DCAF5: variants seen among roughly 807,000 people sequenced by gnomAD.
DCAF5 encodes the protein DDB1- and CUL4-associated factor 5.
DCAF5 carries 9 observed loss-of-function variants against 80.7 expected under a neutral mutation model. The ratio of observed to expected loss-of-function variants is 0.11; its 90% CI spans 0.07 to 0.19. The LOEUF (loss-of-function observed/expected upper bound fraction) is 0.19, where lower values mean the gene tolerates loss of function less well. DCAF5 is among the 10% of genes least tolerant of loss of function. The pLI is 1.00. For missense variants in DCAF5, 842 were observed against 1,205.7 expected, an observed-to-expected ratio of 0.70 and a Z score of 4.47; for synonymous variants, 433 against 461.9, an observed-to-expected ratio of 0.94 and a Z score of 0.80.
At chr14:69,129,245 G>A (rs1424464713) in intron 1 of DCAF5, among the ~76,000 whole-genome samples, 2 of 152,028 alleles carry the variant, frequency 1.3e-5, no homozygotes, top group African/African-American at 2.4e-5. Flanking sequence ...GCTGTGATGG[G>A]GCCTGCCTCT....
At chr14:69,117,024 CTG>C (rs1157807356) in intron 4 of DCAF5, among the ~76,000 whole-genome samples, 3 of 152,188 alleles carry the variant, frequency 2.0e-5, no homozygotes, top group African/African-American at 7.2e-5. Flanking sequence ...TCTAGCCAGT[CTG>C]TAATCAACTT....
chr14:69,123,435 T>A (rs772127004), intron 1 of DCAF5, among the ~76,000 whole-genome samples: 57 of 152,192 alleles, frequency 3.7e-4, no homozygotes, highest in Non-Finnish European at 6.9e-4. Context: ...CATAGCCCTA[T>A]CTAGATGGCT....
rs116630527 is a variant in DCAF5, at chr14:69,077,958, G to C, written c.880-2547C>G. Among the ~76,000 whole-genome samples the C allele has an allele frequency of 2.8e-3, 425 of 152,284 alleles. 2 individuals carry two copies. The highest frequency in any genetic ancestry group is 9.9e-3 in the African/African-American group (410 of 41,560). On this transcript the variant is annotated intron_variant, in intron 6 of 8. Coordinates refer to ENST00000341516, the MANE Select transcript of DCAF5 (RefSeq NM_003861.3). ...GGCTCAGTTTCTTTATCTGCAAAAT[G>C]AGAGAACTGGACTGGTGGCTCTGTA...
intron 5 of DCAF5, among the ~76,000 whole-genome samples, chr14:69,103,417 ACTTGTATTTCTTTTT>A (rs1377012445): frequency 6.6e-6 from 1 of 152,230 alleles, no homozygotes; most frequent in Non-Finnish European, 1.5e-5. Flanking sequence ...ATTACCTGTT[ACTTGTATTTCTTTTT>A]CTTTTGAAAT....
chr14:69,149,456 G>C (rs183978738), intron 1 of DCAF5: 14 of 152,230 alleles, frequency 9.2e-5, no homozygotes, highest in African/African-American at 3.4e-4. Flanking sequence ...ATTTTCTCCG[G>C]TTTACTCAAT....
At chr14:69,064,374 T>TA (rs2038350372) in intron 7 of DCAF5, among the ~76,000 whole-genome samples, 1 of 152,190 alleles carries the variant, frequency 6.6e-6, no homozygotes, top group Admixed American at 6.5e-5. Context: ...CAAAGAAACT[T>TA]TGATTTAAAT....
chr14:69,053,744 C>A lies in DCAF5; in HGVS notation c.*113G>T. The A allele has an allele frequency of 1.9e-6, 2 of 1,052,494 alleles. No homozygotes were observed. The highest frequency in any genetic ancestry group is 2.6e-6 in the Non-Finnish European group (2 of 755,096). The allele number at this position is 1,052,494 out of a possible 1,614,324, so 65.2% of individuals were successfully genotyped here. ...GCAGCATCAGACACAAAATTTCAGGCCCTGGTTTCATGTGCCTTTAATACT... is the reference window on the plus strand; with the variant it reads ...GCAGCATCAGACACAAAATTTCAGGACCTGGTTTCATGTGCCTTTAATACT... On this transcript the variant is annotated 3_prime_UTR_variant, in exon 9 of 9. Coordinates refer to ENST00000341516, the MANE Select transcript of DCAF5 (RefSeq NM_003861.3).
At chr14:69,093,001 T>C (rs944333444) in intron 5 of DCAF5, among the ~76,000 whole-genome samples, 6 of 152,224 alleles carry the variant, frequency 3.9e-5, no homozygotes, top group African/African-American at 1.2e-4. Context: ...ATAATTTCTT[T>C]TGATGACTCA....
chr14:69,061,367 G>T (rs1182408744), intron 8 of DCAF5, among the ~76,000 whole-genome samples: 2 of 152,142 alleles, frequency 1.3e-5, no homozygotes, highest in African/African-American at 2.4e-5. Context: ...GGGACCTCAA[G>T]AATTAATCAT....
At chr14:69,141,940 G>A (rs1595064929) in intron 1 of DCAF5, among the ~76,000 whole-genome samples, 1 of 152,088 alleles carries the variant, frequency 6.6e-6, no homozygotes. Context: ...AACAGTACTA[G>A]AGCACATGGA....
At position 69,153,069 on chromosome 14, in the gene DCAF5, G is replaced by T. The variant is rs2041758615; in HGVS notation, c.-91C>A. 1.9e-6 allele frequency: 2 copies of T among 1,026,700 alleles called. No homozygotes were observed. Among genetic ancestry groups the T allele is most frequent in the Non-Finnish European group, 2.6e-6 (2 of 762,162 alleles). The allele number at this position is 1,026,700 out of a possible 1,614,324, so 63.6% of individuals were successfully genotyped here. ...TCCCCCCACCCGGCCCTCCCCCCGC[G>T]CTGCGATCCGGATGGTTCTTTAACC... On this transcript the variant is annotated 5_prime_UTR_variant, in exon 1 of 9. Transcript: ENST00000341516.
chr14:69,121,619 T>C (rs1184861651), intron 2 of DCAF5, among the ~76,000 whole-genome samples: 1 of 152,220 alleles, frequency 6.6e-6, no homozygotes, highest in Non-Finnish European at 1.5e-5. Context: ...AGATCTATTG[T>C]ATTTAAGTTG....
At chr14:69,083,345 G>T (rs1304245690) in intron 6 of DCAF5, 1 of 168,840 alleles carries the variant, frequency 5.9e-6, no homozygotes, top group Non-Finnish European at 1.3e-5. Flanking sequence ...TTATATTCCG[G>T]AACTGAGTAG....
At chr14:69,141,139 T>TTTAAA (rs34483517) in intron 1 of DCAF5, among the ~76,000 whole-genome samples, 21 of 59,376 alleles carry the variant, frequency 3.5e-4, no homozygotes, top group African/African-American at 1.1e-3. Flanking sequence ...ATCTCAAATT[T>TTTAAA]AAAAAAAAAA....
At chr14:69,083,580 T>A (rs533918410) in intron 6 of DCAF5, 84 of 470,090 alleles carry the variant, frequency 1.8e-4, no homozygotes, top group Non-Finnish European at 3.0e-4. Flanking sequence ...ATTCTATGAA[T>A]GTGGGCTTAT....
chr14:69,125,419 AT>A (rs760471537), intron 1 of DCAF5, among the ~76,000 whole-genome samples: 9 of 152,380 alleles, frequency 5.9e-5, no homozygotes, highest in Middle Eastern at 3.4e-3. Flanking sequence ...TGTCTAGAAG[AT>A]GCAAAGAATT....
chr14:69,139,891 GGAAAGAAAGGA>G (rs2041311666), intron 1 of DCAF5, among the ~76,000 whole-genome samples: 1 of 149,858 alleles, frequency 6.7e-6, no homozygotes, highest in African/African-American at 2.5e-5. Flanking sequence ...GGAGGGAAAG[GGAAAGAAAGGA>G]GAAAGAAAGA....
chr14:69,089,263 A>G (rs1365430339), intron 6 of DCAF5: 2 of 152,530 alleles, frequency 1.3e-5, no homozygotes, highest in Non-Finnish European at 2.9e-5. Context: ...AGACAAGACA[A>G]TGATGAATTA....
intron 5 of DCAF5, among the ~76,000 whole-genome samples, chr14:69,111,132 C>A (rs116404625): frequency 6.6e-6 from 1 of 152,176 alleles, no homozygotes; most frequent in Non-Finnish European, 1.5e-5. Flanking sequence ...CATTAAGCCC[C>A]TGGGCTTTAT....
Sources: allele counts gnomAD v4.1 joint callset (sites outside exome capture counted in the v4.1 genomes callset), GRCh38; gene constraint gnomAD v4.1.1; transcripts MANE v1.5; gene names NCBI Gene and HGNC (gene_info 2026-07-23, HGNC 2026-07-21).